The following IFT140 variants were observed in gnomAD, a reference collection of about 807,000 sequenced individuals.
IFT140 encodes intraflagellar transport 140.
Under a neutral mutation model 164.6 loss-of-function variants are expected in IFT140, and 133 were observed. The ratio of observed to expected loss-of-function variants is 0.81; its 90% CI spans 0.70 to 0.93. The LOEUF (loss-of-function observed/expected upper bound fraction) is 0.93. IFT140 is among the 40% of genes least tolerant of loss of function. The pLI is 0.00. For synonymous variants in IFT140, 860 were observed against 817.3 expected (o/e 1.05, Z -0.89); for missense variants, 2,045 against 1,972.3 (o/e 1.04, Z -0.70).
chr16:1,554,608 C>T (rs2032940883), intron 19 of IFT140, among the ~76,000 whole-genome samples: 1 of 152,170 alleles, frequency 6.6e-6, no homozygotes, highest in South Asian at 2.1e-4. Flanking sequence ...AAAGCAGGAA[C>T]CCGCTCTAGG....
At chr16:1,514,052 T>TC (rs1423847819) in intron 30 of IFT140, among the ~76,000 whole-genome samples, 6 of 151,560 alleles carry the variant, frequency 4.0e-5, no homozygotes, top group African/African-American at 1.5e-4. Context: ...CCTGCCCTCT[T>TC]CCAGGCTTAA....
chr16:1,535,902 C>T (rs1031978383), intron 19 of IFT140, among the ~76,000 whole-genome samples: 2 of 152,238 alleles, frequency 1.3e-5, no homozygotes, highest in African/African-American at 4.8e-5. Context: ...ATGGGAAGCC[C>T]GAGGCTTGGG....
intron 14 of IFT140, among the ~76,000 whole-genome samples, chr16:1,569,083 C>T (rs1460597232): frequency 6.6e-6 from 1 of 150,968 alleles, no homozygotes; most frequent in Non-Finnish European, 1.5e-5. Flanking sequence ...CGGCTCACTG[C>T]AAGCTCCGCC....
At position 1,588,003 on chromosome 16, in the gene IFT140, C is replaced by T. The variant is rs141986611; in HGVS notation, c.832G>A (p.Gly278Ser). ...VMKVKLSGKT[G>S]RRADIALIEG... ...ATCAAAGCGATGTCTGCCCGGCGGC[C>T]GGTTTTCCCGCTCAGCTTGACCTGT... Residue 278 changes from glycine (G) to serine (S), a missense_variant, in exon 8 of 31, where the codon GGC becomes AGC. Transcript: ENST00000426508. 44 of 1,613,654 alleles carry T rather than the reference C, an allele frequency of 2.7e-5. No homozygotes were observed. Among genetic ancestry groups the T allele is most frequent in the Non-Finnish European group, 3.3e-5 (39 of 1,179,884 alleles).
At chr16:1,538,162 C>T (rs2031264297) in intron 19 of IFT140, among the ~76,000 whole-genome samples, 1 of 152,192 alleles carries the variant, frequency 6.6e-6, no homozygotes. Flanking sequence ...GGCAGGAGTG[C>T]CTCCTTCCTG....
Position 1,523,568 on chromosome 16 carries a change from C to T in IFT140, c.3403G>A (p.Glu1135Lys), listed in dbSNP as rs774170824. The change falls in exon 26 of 31, where the codon GAG becomes AAG. Residue 1135 changes from glutamate (E) to lysine (K), a missense_variant. Glu to Lys is a moderately conservative substitution (Grantham distance 56, BLOSUM62 1). Transcript: ENST00000426508. ...LLARCSDFFI[E>K]HSQYERAVEL... ...ACCGCCCTCTCGTACTGACTGTGCT[C>T]GATGAAGAAGTCGGAGCAGCGGGCC... 35 of 1,613,478 alleles carry T rather than the reference C, an allele frequency of 2.2e-5. No homozygotes were observed. Among genetic ancestry groups the T allele is most frequent in the East Asian group, 2.0e-4 (9 of 44,890 alleles).
chr16:1,525,603 G>C (rs1432176559), intron 21 of IFT140, among the ~76,000 whole-genome samples: 1 of 152,202 alleles, frequency 6.6e-6, no homozygotes, highest in African/African-American at 2.4e-5. Flanking sequence ...GGGTTTGTCT[G>C]TCCTCAGGAG....
intron 3 of IFT140, chr16:1,604,274 C>CGTGTGTATGTGTGT (rs2035942542): frequency 7.7e-6 from 1 of 129,812 alleles, no homozygotes; most frequent in African/African-American, 2.9e-5. Flanking sequence ...GCTGCAAGGG[C>CGTGTGTATGTGTGT]GTGTGTGTGT....
At position 1,551,853 on chromosome 16, in the gene IFT140, C is replaced by T. The variant is rs138543897; in HGVS notation, c.2399+6082G>A. 5.4e-3 allele frequency among the ~76,000 whole-genome samples: 820 copies of T among 152,222 alleles called. 6 individuals are homozygous for T. Among genetic ancestry groups the T allele is most frequent in the African/African-American group, 0.019 (788 of 41,536 alleles). ...CTGTGTTGCCTTAGAGTTTTCTTCCCGAGGTTTTCCTAGAAAGCCACTGTA... is the reference window on the plus strand; with the variant it reads ...CTGTGTTGCCTTAGAGTTTTCTTCCTGAGGTTTTCCTAGAAAGCCACTGTA... On this transcript the variant is annotated intron_variant, in intron 19 of 30. Transcript: ENST00000426508. This position sits in a 1 kb window ranked among gnomAD's most constrained non-coding sequence, Gnocchi z 4.0.
intron 16 of IFT140, 60 bp downstream of exon 16, chr16:1,566,101 A>G: frequency 1.3e-6 from 2 of 1,574,448 alleles, no homozygotes; most frequent in East Asian, 2.3e-5. Context: ...CCCGCCCAGA[A>G]GCCGAGAAGT....
chr16:1,597,022 G>A lies in IFT140; in HGVS notation c.370-4434C>T, dbSNP rs542403113. On this transcript the variant is annotated intron_variant, in intron 4 of 30. Transcript: ENST00000426508. ...GTTAAGTGGACTAAGGGGCTGATGG[G>A]AAAGTGGCGTGCGCTGGATGAGCGT... Among the ~76,000 whole-genome samples, 6 of 152,330 alleles carry A rather than the reference G, an allele frequency of 3.9e-5. No homozygotes were observed. In the South Asian group the frequency reaches 1.0e-3, roughly 26 times the overall value.
intron 19 of IFT140, among the ~76,000 whole-genome samples, chr16:1,547,084 T>C (rs1345809586): frequency 1.3e-5 from 2 of 152,264 alleles, no homozygotes; most frequent in Non-Finnish European, 2.9e-5. Flanking sequence ...GTGGGCATGA[T>C]GCCGAAGGCT....
rs1445297639 is a variant in IFT140 at position 1,553,926 on chromosome 16, T to C, written c.2399+4009A>G. The C allele has an allele frequency of 1.1e-5, 14 of 1,283,016 alleles. No individual in the cohort carries two copies. The highest frequency in any genetic ancestry group is 3.3e-4 in the Middle Eastern group (1 of 3,064). The allele number at this position is 1,283,016 out of a possible 1,614,324, so 79.5% of individuals were successfully genotyped here. A position where few individuals can be genotyped will look rare whatever the true frequency, so the allele number is the denominator to read the frequency against. On this transcript the variant is annotated intron_variant, in intron 19 of 30. Coordinates refer to ENST00000426508, the MANE Select transcript of IFT140 (RefSeq NM_014714.4). This position sits in a 1 kb window ranked among gnomAD's most constrained non-coding sequence, Gnocchi z 4.4. ...TAAGAACTAAAAAGGTCTTTGGAGC[T>C]CCTCAAAGATAAAACTGTAAGTGAA...
At chr16:1,527,488 G>T (rs541027552) in intron 19 of IFT140, among the ~76,000 whole-genome samples, 1 of 152,310 alleles carries the variant, frequency 6.6e-6, no homozygotes, top group Non-Finnish European at 1.5e-5. Context: ...AGTGAATTTT[G>T]TGTGTGTGAA....
At chr16:1,540,166 C>T (rs1187403812) in intron 19 of IFT140, among the ~76,000 whole-genome samples, 3 of 152,166 alleles carry the variant, frequency 2.0e-5, no homozygotes, top group South Asian at 4.1e-4. Context: ...AGCCTGGGGC[C>T]GGGGCAGATG....
chr16:1,546,855 C>A (rs993813513), intron 19 of IFT140, among the ~76,000 whole-genome samples: 1 of 152,256 alleles, frequency 6.6e-6, no homozygotes, highest in Non-Finnish European at 1.5e-5. Context: ...CAATGGGCAA[C>A]TCCTCAGCTG....
chr16:1,526,116 C>A, intron 20 of IFT140, 39 bp from the exon 21 acceptor site: 1 of 1,527,612 alleles, frequency 6.5e-7, no homozygotes, highest in South Asian at 1.2e-5. Flanking sequence ...GCAGCCTCCA[C>A]ACACCCACGT....
Position 1,520,118 on chromosome 16 carries a change from G to C in IFT140, c.3873+13C>G. ...CCCCGGGGCCCCGCTGGCATGCCAG[G>C]GAGGGCCTGCACCTGGGCACAAGCG... On this transcript the variant is annotated intron_variant, in intron 28 of 30. Transcript: ENST00000426508. 2 of 1,612,626 alleles carry C rather than the reference G, an allele frequency of 1.2e-6. No homozygotes were observed. Among genetic ancestry groups the C allele is most frequent in the Non-Finnish European group, 1.7e-6 (2 of 1,178,764 alleles).
At chr16:1,578,788 C>T (rs1017051397) in intron 13 of IFT140, among the ~76,000 whole-genome samples, 3 of 152,162 alleles carry the variant, frequency 2.0e-5, no homozygotes, top group African/African-American at 2.4e-5. Context: ...CATAGCTTAC[C>T]GAAGCCTTGA....
Sources: allele counts gnomAD v4.1 joint callset (sites outside exome capture counted in the v4.1 genomes callset), GRCh38; gene constraint gnomAD v4.1.1; non-coding constraint Gnocchi (gnomAD v3.1); transcripts MANE v1.5; gene names NCBI Gene and HGNC (gene_info 2026-07-23, HGNC 2026-07-21).